Variants in ZNF185 observed in about 807,000 individuals in gnomAD.
ZNF185 encodes zinc finger protein 185 with LIM domain, also known as zinc finger protein 185.
In ZNF185, 56 loss-of-function variants were observed where a neutral mutation model predicts 58.6. The observed-to-expected ratio is 0.95, with a 90% CI of 0.77 to 1.19. The LOEUF is 1.19. ZNF185 is among the 50% of genes most tolerant of loss of function. The pLI, the probability that ZNF185 is intolerant of heterozygous loss-of-function variation, is 0.00. For missense variants in ZNF185, 627 were observed against 573.5 expected (o/e 1.09, Z -0.95); for synonymous variants, 230 against 215.9 (o/e 1.07, Z -0.57).
chrX:152,926,307 C>T (rs146559471), intron 11 of ZNF185, among the ~76,000 whole-genome samples: 1 of 112,692 alleles, frequency 8.9e-6, no homozygotes, highest in South Asian at 3.7e-4. Flanking sequence ...TAAATGAGAT[C>T]GTGCACCTGA....
At chrX:152,936,313 C>G (rs908058321) in intron 14 of ZNF185, 105 bp from the exon 16 acceptor site, 1 of 644,473 alleles carries the variant, frequency 1.6e-6, no homozygotes, top group Non-Finnish European at 2.4e-6. Context: ...TGAGCAGCTT[C>G]TTGGTCCTCA....
At chrX:152,905,847 C>T in the ZNF185 span, among the ~76,000 whole-genome samples, 2 of 110,429 alleles carry the variant, frequency 1.8e-5, no homozygotes, top group Admixed American at 1.9e-4. Flanking sequence ...GACTCCCCTC[C>T]CCTCCAGGGA....
exon 17 of ZNF185, chrX:152,959,829 A>G (rs782050034): frequency 8.3e-7 from 1 of 1,211,469 alleles, no homozygotes; most frequent in African/African-American, 1.7e-5. Flanking sequence ...AGATCCCAGT[A>G]CCCCAGAACA....
chrX:152,943,287 C>T (rs1216311185), intron 15 of ZNF185, among the ~76,000 whole-genome samples: 1 of 111,854 alleles, frequency 8.9e-6, no homozygotes, highest in African/African-American at 3.3e-5. Context: ...TGAACCACTA[C>T]GCCGGGACTA....
intron 2 of ZNF185, 147 bp downstream of exon 3, chrX:152,914,980 A>G (rs1323801413): frequency 1.0e-6 from 1 of 1,000,328 alleles, no homozygotes; most frequent in African/African-American, 1.9e-5. Flanking sequence ...AAGGCTATCC[A>G]GCAATGTCAC....
At chrX:152,909,460 G>A (rs1936782964), upstream of ZNF185, among the ~76,000 whole-genome samples, 1 of 112,182 alleles carries the variant, frequency 8.9e-6, no homozygotes, top group Non-Finnish European at 1.9e-5. Context: ...CATGGGCTGG[G>A]GAGCCAGGGC....
At chrX:152,899,345 C>G in the ZNF185 span, among the ~76,000 whole-genome samples, 1 of 112,889 alleles carries the variant, frequency 8.9e-6, no homozygotes. Flanking sequence ...CTCCGCTCCT[C>G]ATCTGAAAAA....
intron 15 of ZNF185, among the ~76,000 whole-genome samples, chrX:152,943,608 C>T (rs2047482826): frequency 8.9e-6 from 1 of 112,371 alleles, no homozygotes; most frequent in African/African-American, 3.2e-5. Context: ...TTTTATGACC[C>T]ACATAGGTCA....
the ZNF185 span, among the ~76,000 whole-genome samples, chrX:152,898,861 AG>A: frequency 8.9e-6 from 1 of 112,551 alleles, no homozygotes; most frequent in African/African-American, 3.2e-5. Flanking sequence ...GAGGGAGCCA[AG>A]AGTCTGTCCT....
chrX:152,923,643 G>T (rs1940224518), intron 11 of ZNF185, among the ~76,000 whole-genome samples: 1 of 112,410 alleles, frequency 8.9e-6, no homozygotes, highest in Non-Finnish European at 1.9e-5. Context: ...GTTTCAGGAT[G>T]AAACTGTTCC....
chrX:152,926,872 C>T (rs1453264875), intron 11 of ZNF185, among the ~76,000 whole-genome samples: 1 of 112,750 alleles, frequency 8.9e-6, no homozygotes, highest in Admixed American at 9.3e-5. Context: ...GGGCCATGCT[C>T]CCTCCAAAGG....
At chrX:152,966,180 G>A (rs2050094528) in intron 19 of ZNF185, among the ~76,000 whole-genome samples, 1 of 109,645 alleles carries the variant, frequency 9.1e-6, no homozygotes, top group Non-Finnish European at 1.9e-5. Flanking sequence ...GCTAGTTTTT[G>A]TATTTTAGTA....
At chrX:152,954,205 A>G (rs1556902586) in intron 16 of ZNF185, among the ~76,000 whole-genome samples, 1 of 110,308 alleles carries the variant, frequency 9.1e-6, no homozygotes, top group Non-Finnish European at 1.9e-5. Context: ...GCTACTTTCA[A>G]GGGCCAGTGG....
intron 11 of ZNF185, among the ~76,000 whole-genome samples, chrX:152,924,805 C>T (rs1940522192): frequency 8.9e-6 from 1 of 112,093 alleles, no homozygotes. Flanking sequence ...CTGCCTCAGC[C>T]TCCCGAGTAG....
At chrX:152,938,840 T>C (rs1342018050) in intron 15 of ZNF185, among the ~76,000 whole-genome samples, 5 of 103,085 alleles carry the variant, frequency 4.9e-5, no homozygotes, top group African/African-American at 1.9e-4. Context: ...GCAGCTGAGA[T>C]AGAGTGATGG....
At chrX:152,968,279 G>A (rs928644860) in intron 20 of ZNF185, among the ~76,000 whole-genome samples, 4 of 112,256 alleles carry the variant, frequency 3.6e-5, no homozygotes, top group Non-Finnish European at 7.5e-5. Context: ...TTACATAGGA[G>A]CAAATGGAAT....
intron 18 of ZNF185, 129 bp downstream of exon 20, chrX:152,964,078 C>T: frequency 1.7e-6 from 1 of 589,670 alleles, no homozygotes; most frequent in South Asian, 2.8e-5. Flanking sequence ...AGGCCATTAG[C>T]CAAGGGGCCA....
chrX:152,940,440 T>TGGGGGG (rs1273186515), intron 15 of ZNF185, among the ~76,000 whole-genome samples: 3 of 19,825 alleles, frequency 1.5e-4, no homozygotes, highest in Non-Finnish European at 2.0e-4. Context: ...GGGGTGGGGG[T>TGGGGGG]GGGGTTCCAG....
rs782425853 is a variant in ZNF185, at chrX:152,965,426, T to C, written c.1719-21T>C. 3.4e-6 allele frequency: 4 copies of C among 1,160,617 alleles called. No individual in the cohort carries two copies. In the African/African-American group the frequency reaches 7.1e-5, roughly 21 times the overall value. On this transcript the variant is annotated intron_variant, in intron 18 of 22. Coordinates refer to ENST00000449285, the Ensembl canonical transcript of ZNF185. ...GGAATCTTCTGGTGTACCTCTGATTTCTTCTGTGCTCCTTCTACAGCAAAG... is the reference window on the plus strand; with the variant it reads ...GGAATCTTCTGGTGTACCTCTGATTCCTTCTGTGCTCCTTCTACAGCAAAG...
Sources: allele counts gnomAD v4.1 joint callset (sites outside exome capture counted in the v4.1 genomes callset), GRCh38; gene constraint gnomAD v4.1.1; transcripts MANE v1.5; gene names NCBI Gene and HGNC (gene_info 2026-07-23, HGNC 2026-07-21).